Variants in SLC18A2 observed in about 807,000 individuals in gnomAD.
SLC18A2 encodes the protein solute carrier family 18 member A2, also known as synaptic vesicular amine transporter.
In SLC18A2, 33 loss-of-function variants were observed where a neutral mutation model predicts 59.2. The observed-to-expected ratio is 0.56, with a 90% CI of 0.42 to 0.75. The LOEUF (loss-of-function observed/expected upper bound fraction) is 0.75. Among genes scored for constraint, SLC18A2 ranks in the 30% least tolerant of loss-of-function variants. The pLI is 0.00. For missense variants in SLC18A2, 569 were observed against 668.6 expected, an observed-to-expected ratio of 0.85 and a Z score of 1.64; for synonymous variants, 228 against 253.5, an observed-to-expected ratio of 0.90 and a Z score of 0.95.
chr10:117,272,360 C>T (rs896889184), intron 15 of SLC18A2, among the ~76,000 whole-genome samples: 3 of 152,178 alleles, frequency 2.0e-5, no homozygotes, highest in African/African-American at 7.2e-5. Context: ...CTTGCCAAGC[C>T]GGCAAACATC....
rs916021197 is a variant in SLC18A2 at position 117,257,891 on chromosome 10, G to T, written c.990G>T (p.Leu330=). 4 of 1,608,324 alleles carry T rather than the reference G, an allele frequency of 2.5e-6. No individual in the cohort carries two copies. Among genetic ancestry groups the T allele is most frequent in the African/African-American group, 2.7e-5 (2 of 74,762 alleles). Reference sequence around the variant, plus strand: ...CCATGTGTTCCCGAAAGTGGCAGCTGGGTAAGGACTGGGGTGGGCTCTTCT... The same window carrying T: ...CCATGTGTTCCCGAAAGTGGCAGCTTGGTAAGGACTGGGGTGGGCTCTTCT... ...METMCSRKWQ[L]GVAFLPASIS... is the part of the protein sequence containing the mutation. Residue 330 remains leucine (L), a splice_region_variant and synonymous_variant, in exon 10 of 16, where the codon CTG becomes CTT. Transcript: ENST00000644641.
intron 3 of SLC18A2, among the ~76,000 whole-genome samples, chr10:117,251,356 C>A (rs961017461): frequency 4.6e-5 from 7 of 152,096 alleles, no homozygotes; most frequent in Admixed American, 2.6e-4. Context: ...CGTGTGAGCC[C>A]CCGGTGTTGG....
chr10:117,267,653 A>G lies in SLC18A2; in HGVS notation c.1123-20A>G. 1 of 1,530,420 alleles carries G rather than the reference A, an allele frequency of 6.5e-7. No homozygotes were observed. Among genetic ancestry groups the G allele is most frequent in the Non-Finnish European group, 9.0e-7 (1 of 1,115,460 alleles). 94.8% of individuals were successfully genotyped at this position (1,530,420 alleles called of 1,614,324 possible). On this transcript the variant is annotated intron_variant, in intron 12 of 15. Coordinates refer to ENST00000644641, the MANE Select transcript of SLC18A2 (RefSeq NM_003054.6). ...TTGGATCTCTTGTTATTTTAGCATAATGTTTATTTCCTCTTACAGATTCCA... is the reference window on the plus strand; with the variant it reads ...TTGGATCTCTTGTTATTTTAGCATAGTGTTTATTTCCTCTTACAGATTCCA...
At position 117,251,148 on chromosome 10, in the gene SLC18A2, G is replaced by A. The variant is rs139476481; in HGVS notation, c.465-2251G>A. 5.0e-3 allele frequency among the ~76,000 whole-genome samples: 767 copies of A among 152,238 alleles called. 4 individuals carry two copies. Among genetic ancestry groups the A allele is most frequent in the African/African-American group, 0.015 (612 of 41,542 alleles). On this transcript the variant is annotated intron_variant, in intron 3 of 15. Transcript: ENST00000644641. Reference sequence around the variant, plus strand: ...CCCCTAATTCCAATAGCTTTGATACGTATTGGTACTTCAACAACTAGATTT... The same window carrying A: ...CCCCTAATTCCAATAGCTTTGATACATATTGGTACTTCAACAACTAGATTT...
Position 117,279,107 on chromosome 10 carries a change from T to G in SLC18A2, c.*1841T>G, listed in dbSNP as rs1434798617. On this transcript the variant is annotated 3_prime_UTR_variant, in exon 16 of 16. Coordinates refer to ENST00000644641, the MANE Select transcript of SLC18A2 (RefSeq NM_003054.6). The stretch of plus-strand genomic sequence containing the variant: ...CTGCTGTTGGTCCCTCGGGATAAGA[T>G]AAAATATAAATAAAACCTTCAGAAC... 1 of 152,204 alleles carries G rather than the reference T, an allele frequency of 6.6e-6. No homozygotes were observed. Among genetic ancestry groups the G allele is most frequent in the African/African-American group, 2.4e-5 (1 of 41,462 alleles). The allele number at this position is 152,204 out of a possible 1,614,324, so 9.4% of individuals were successfully genotyped here. A position where few individuals can be genotyped will look rare whatever the true frequency, so the allele number is the denominator to read the frequency against.
At chr10:117,242,317 C>A (rs1232069356) in intron 2 of SLC18A2, among the ~76,000 whole-genome samples, 2 of 152,020 alleles carry the variant, frequency 1.3e-5, no homozygotes, top group African/African-American at 2.4e-5. Context: ...ATTGCAAGAA[C>A]AATTTGAACA....
intron 12 of SLC18A2, 109 bp downstream of exon 12, chr10:117,267,144 T>G: frequency 2.5e-6 from 2 of 808,344 alleles, no homozygotes; most frequent in Non-Finnish European, 4.1e-6. Flanking sequence ...TGATGTTTTA[T>G]TACAGCTTTC....
rs182923680 is a variant in SLC18A2, at chr10:117,264,109, C to T, written c.992-2624C>T. Among the ~76,000 whole-genome samples, 11 of 152,354 alleles carry T rather than the reference C, an allele frequency of 7.2e-5. No homozygotes were observed. In the East Asian group the frequency reaches 9.6e-4, roughly 13 times the overall value. On this transcript the variant is annotated intron_variant, in intron 10 of 15. Transcript: ENST00000644641. ...CCCGCAGGCTTCGTGATGACCGGAG[C>T]CCCTCTCTCACTGGCTGGCCAAGGC...
chr10:117,267,893 G>A (rs780629998), intron 13 of SLC18A2, 157 bp downstream of exon 13: 41 of 522,134 alleles, frequency 7.9e-5, no homozygotes, highest in Non-Finnish European at 1.2e-4. Context: ...TCGATTCTCC[G>A]TGTAAAGACA....
In SLC18A2 at chr10:117,270,453, A is replaced by T. The variant is rs1470145638; in HGVS notation, c.1430A>T (p.Glu477Val). Residue 477 changes from glutamate (E) to valine (V), a missense_variant, in exon 15 of 16, where the codon GAA becomes GTA. Glu to Val is a moderately radical substitution (Grantham distance 121, BLOSUM62 -2). Coordinates refer to ENST00000644641, the MANE Select transcript of SLC18A2 (RefSeq NM_003054.6). ...TTTCTTCGAAGTCCACCTGCCAAAG[A>T]AGAAAAAATGGTAAGAAAAATTTAG... ...CFFLRSPPAK[E>V]EKMAILMDHN... 1.9e-6 allele frequency: 3 copies of T among 1,613,646 alleles called. No individual in the cohort carries two copies. The highest frequency in any genetic ancestry group is 2.2e-5 in the South Asian group (2 of 90,804).
chr10:117,243,262 G>A (rs1844074778), intron 2 of SLC18A2, among the ~76,000 whole-genome samples: 1 of 152,152 alleles, frequency 6.6e-6, no homozygotes, highest in Non-Finnish European at 1.5e-5. Flanking sequence ...CTCTTTCTTA[G>A]AAGCACTGGT....
chr10:117,260,428 C>G (rs967428076), intron 10 of SLC18A2, among the ~76,000 whole-genome samples: 1 of 152,150 alleles, frequency 6.6e-6, no homozygotes, highest in African/African-American at 2.4e-5. Flanking sequence ...CTGCGGTGTC[C>G]TCTGCTCACT....
intron 10 of SLC18A2, among the ~76,000 whole-genome samples, chr10:117,264,611 A>G (rs781129307): frequency 2.6e-5 from 4 of 152,120 alleles, no homozygotes; most frequent in Non-Finnish European, 4.4e-5. Flanking sequence ...GTCACCACAG[A>G]TCTCTCTTTG....
rs1844202468 is a variant in SLC18A2 at position 117,254,426 on chromosome 10, T to G, written c.629T>G (p.Val210Gly). ...SVAGMGMLAS[V>G]YTDDEERGNV... ...GTAGGGATGGGCATGCTTGCCAGTG[T>G]CTACACAGATGATGAAGAGAGAGGC... Residue 210 changes from valine (V) to glycine (G), a missense_variant, in exon 6 of 16, where the codon GTC becomes GGC. Around this residue, in one of 2 missense-constraint regions of SLC18A2, gnomAD observed 377 missense variants for 389.8 expected, o/e 0.97. Transcript: ENST00000644641. The G allele has an allele frequency of 6.2e-7, 1 of 1,606,384 alleles. No homozygotes were observed. The highest frequency in any genetic ancestry group is 1.7e-5 in the Admixed American group (1 of 58,856).
chr10:117,267,214 A>G (rs1280903386), intron 12 of SLC18A2, 179 bp downstream of exon 12: 3 of 572,556 alleles, frequency 5.2e-6, no homozygotes, highest in East Asian at 5.9e-5. Context: ...CAAGGAGTGT[A>G]TTTTCATTTT....
chr10:117,270,277 T>C, intron 14 of SLC18A2, 53 bp from the exon 15 acceptor site: 1 of 1,613,126 alleles, frequency 6.2e-7, no homozygotes, highest in Non-Finnish European at 8.5e-7. Flanking sequence ...TTTGCATCTT[T>C]CAGTCTACAA....
chr10:117,269,162 T>TAC lies in SLC18A2; in HGVS notation c.1187-903_1187-902dup, dbSNP rs140277762. Among the ~76,000 whole-genome samples, 19 of 150,934 alleles carry TAC rather than the reference T, an allele frequency of 1.3e-4. No individual in the cohort carries two copies. The highest frequency in any genetic ancestry group is 7.9e-4 in the East Asian group (4 of 5,082). The stretch of plus-strand genomic sequence containing the variant: ...ACCCACCCACATACATATGCACACA[T>TAC]ACACACATACATATACACACATACA... On this transcript the variant is annotated intron_variant, in intron 13 of 15. Transcript: ENST00000644641. This position sits in a 1 kb window ranked among gnomAD's most constrained non-coding sequence, Gnocchi z 5.1.
intron 10 of SLC18A2, among the ~76,000 whole-genome samples, chr10:117,260,640 T>A (rs966516809): frequency 6.6e-6 from 1 of 152,216 alleles, no homozygotes; most frequent in Admixed American, 6.5e-5. Context: ...TTTTTAATGG[T>A]TGCATATTGT....
At chr10:117,250,741 A>G (rs1306752528) in intron 3 of SLC18A2, among the ~76,000 whole-genome samples, 1 of 152,116 alleles carries the variant, frequency 6.6e-6, no homozygotes, top group Non-Finnish European at 1.5e-5. Flanking sequence ...TGAAAAATGG[A>G]TAAAACCAGC....
Sources: allele counts gnomAD v4.1 joint callset (sites outside exome capture counted in the v4.1 genomes callset), GRCh38; gene constraint gnomAD v4.1.1; regional missense constraint gnomAD v4.1.1; non-coding constraint Gnocchi (gnomAD v3.1); transcripts MANE v1.5; gene names NCBI Gene and HGNC (gene_info 2026-07-23, HGNC 2026-07-21).